Variants in CADPS observed in about 807,000 individuals in gnomAD.
CADPS encodes the protein calcium-dependent secretion activator 1.
A neutral mutation model predicts 167.3 loss-of-function variants in CADPS; 57 were observed. The ratio of observed to expected loss-of-function variants is 0.34; its 90% CI spans 0.28 to 0.42. The LOEUF is 0.42. CADPS is among the 20% of genes least tolerant of loss of function. The pLI, the probability that CADPS is intolerant of heterozygous loss-of-function variation, is 1.00. For missense variants in CADPS, 1,414 were observed against 1,738.1 expected (o/e 0.81, Z 3.32); for synonymous variants, 676 against 635.3 (o/e 1.06, Z -0.96).
intron 6 of CADPS, among the ~76,000 whole-genome samples, chr3:62,622,433 C>T (rs1458841404): frequency 2.0e-5 from 3 of 152,072 alleles, no homozygotes; most frequent in Non-Finnish European, 4.4e-5. Context: ...AACAATCAGG[C>T]CCATATGCAT....
At chr3:62,492,155 G>T (rs995196460) in intron 20 of CADPS, 135 bp downstream of exon 20, 4 of 731,908 alleles carry the variant, frequency 5.5e-6, no homozygotes, top group Non-Finnish European at 9.2e-6. Flanking sequence ...GTTTCTTTTT[G>T]GGGGGTGGGG....
At chr3:62,552,926 G>A (rs1339068314) in intron 10 of CADPS, among the ~76,000 whole-genome samples, 1 of 152,044 alleles carries the variant, frequency 6.6e-6, no homozygotes, top group African/African-American at 2.4e-5. Context: ...TAGCAAGCTG[G>A]GAAAATCTGA....
chr3:62,717,749 G>T (rs1564249531), intron 3 of CADPS, among the ~76,000 whole-genome samples: 1 of 152,048 alleles, frequency 6.6e-6, no homozygotes, highest in Non-Finnish European at 1.5e-5. Flanking sequence ...ATCTTCTCAA[G>T]GCATAAATGA....
chr3:62,491,261 A>T, intron 21 of CADPS, 78 bp downstream of exon 21: 1 of 1,392,134 alleles, frequency 7.2e-7, no homozygotes, highest in Non-Finnish European at 1.0e-6. Flanking sequence ...AACCCATATG[A>T]CATCATTAAT....
At chr3:62,723,959 GGTGT>G in intron 3 of CADPS, among the ~76,000 whole-genome samples, 1 of 152,188 alleles carries the variant, frequency 6.6e-6, no homozygotes, top group Non-Finnish European at 1.5e-5. Flanking sequence ...CTGGGTGGAG[GGTGT>G]CACAGTTCAG....
intron 3 of CADPS, among the ~76,000 whole-genome samples, chr3:62,749,967 G>C (rs1216358319): frequency 6.6e-6 from 1 of 152,098 alleles, no homozygotes; most frequent in Non-Finnish European, 1.5e-5. Flanking sequence ...TAATAGTTGG[G>C]TTTCACTTTA....
At chr3:62,584,005 CTTTT>C (rs34234122) in intron 8 of CADPS, among the ~76,000 whole-genome samples, 6 of 123,340 alleles carry the variant, frequency 4.9e-5, no homozygotes, top group Non-Finnish European at 3.5e-5. Context: ...ACCCAATCCT[CTTTT>C]TTTTTTTTTT....
intron 6 of CADPS, among the ~76,000 whole-genome samples, chr3:62,611,955 A>G (rs949295349): frequency 6.6e-6 from 1 of 152,096 alleles, no homozygotes; most frequent in African/African-American, 2.4e-5. Flanking sequence ...GTCTCCCCCA[A>G]CTAGAAGCCA....
intron 3 of CADPS, among the ~76,000 whole-genome samples, chr3:62,666,113 C>G (rs746872449): frequency 1.3e-5 from 2 of 152,160 alleles, no homozygotes; most frequent in Non-Finnish European, 2.9e-5. Context: ...ATGATGTGAT[C>G]AGAGGCTCCC....
At chr3:62,738,785 A>G (rs375591994) in intron 3 of CADPS, among the ~76,000 whole-genome samples, 2 of 152,206 alleles carry the variant, frequency 1.3e-5, no homozygotes, top group Admixed American at 1.3e-4. Flanking sequence ...GGAGAGGTCA[A>G]TTACCTTCAG....
intron 8 of CADPS, among the ~76,000 whole-genome samples, chr3:62,574,047 A>T (rs538723375): frequency 8.7e-4 from 132 of 152,174 alleles, no homozygotes; most frequent in Non-Finnish European, 1.7e-3. Context: ...ATCCATTGCC[A>T]AGTTCTTCAA....
intron 8 of CADPS, among the ~76,000 whole-genome samples, 185 bp downstream of exon 8, chr3:62,585,000 T>G (rs914287369): frequency 6.6e-6 from 1 of 152,250 alleles, no homozygotes; most frequent in African/African-American, 2.4e-5. Context: ...ACAGCAAAAA[T>G]GCAAATACAG....
In CADPS at chr3:62,399,552, G is replaced by A. The variant is rs749894879; in HGVS notation, c.3916C>T (p.Leu1306=). ...GTCTTGCTGTTTAAGGTGGAGTCCA[G>A]GACCCCTTGCAATCGGAAATCTCTG... The part of the protein sequence containing the change: ...TYRDFRLQGV[L]DSTLNSKTYE... Residue 1306 remains leucine (L), a synonymous_variant, in exon 30 of 30, where the codon CTG becomes TTG. Coordinates refer to ENST00000383710, the MANE Select transcript of CADPS (RefSeq NM_003716.4). This position sits in a 1 kb window ranked among gnomAD's most constrained non-coding sequence, Gnocchi z 5.6. 4.3e-6 allele frequency: 7 copies of A among 1,613,930 alleles called. No individual in the cohort carries two copies. The Admixed American group carries it at 8.3e-5, about 19-fold the overall frequency.
At chr3:62,767,872 T>C (rs760426062) in intron 1 of CADPS, among the ~76,000 whole-genome samples, 1 of 152,200 alleles carries the variant, frequency 6.6e-6, no homozygotes, top group African/African-American at 2.4e-5. Context: ...CGTTTCAACA[T>C]GTAATCAGTA....
In CADPS at chr3:62,691,642, A is replaced by C. The variant is rs192932551; in HGVS notation, c.889-29248T>G. Among the ~76,000 whole-genome samples the C allele has an allele frequency of 1.8e-3, 276 of 152,174 alleles. 6 individuals are homozygous for C. The highest frequency in any genetic ancestry group is 5.2e-3 in the South Asian group (25 of 4,826). On this transcript the variant is annotated intron_variant, in intron 3 of 29. Coordinates refer to ENST00000383710, the MANE Select transcript of CADPS (RefSeq NM_003716.4). ...ATGTCATTTGCAGGGACATGGATGG[A>C]GTTGGAAGCCATTATCCTCAGCAAA...
intron 24 of CADPS, among the ~76,000 whole-genome samples, chr3:62,468,855 T>G (rs978009079): frequency 1.3e-5 from 2 of 152,246 alleles, no homozygotes; most frequent in Non-Finnish European, 2.9e-5. Context: ...TGTCAATCTC[T>G]GTTGGTCTAT....
intron 3 of CADPS, among the ~76,000 whole-genome samples, chr3:62,749,782 C>T (rs552319025): frequency 6.3e-4 from 96 of 152,286 alleles, no homozygotes; most frequent in African/African-American, 2.2e-3. Context: ...CCTGCCTATG[C>T]AGACTTCATA....
intron 1 of CADPS, among the ~76,000 whole-genome samples, chr3:62,799,065 G>A (rs961834335): frequency 1.3e-5 from 2 of 152,088 alleles, no homozygotes; most frequent in African/African-American, 4.8e-5. Flanking sequence ...ACCCTGTTGT[G>A]GTGACCCTCC....
Position 62,683,173 on chromosome 3 carries a change from A to G in CADPS, c.889-20779T>C, listed in dbSNP as rs560014548. Among the ~76,000 whole-genome samples, 39 of 152,148 alleles carry G rather than the reference A, an allele frequency of 2.6e-4. 1 individual carries two copies. The highest frequency in any genetic ancestry group is 4.4e-4 in the Non-Finnish European group (30 of 67,994). ...GGGAAAGCTAAGCGTCTCTATGAAC[A>G]TGCTAGAAGCAATAAGACGTCATTG... On this transcript the variant is annotated intron_variant, in intron 3 of 29. Transcript: ENST00000383710.
Sources: gnomAD v4.1 joint callset for allele counts (sites outside exome capture counted in the v4.1 genomes callset) on GRCh38, gnomAD v4.1.1 for gene constraint, Gnocchi (gnomAD v3.1) non-coding constraint, MANE v1.5 for transcripts, NCBI Gene and HGNC (gene_info 2026-07-23, HGNC 2026-07-21) for gene names.